The following DPPA2 variants were observed in gnomAD, a reference collection of about 807,000 sequenced individuals.
DPPA2 encodes the protein developmental pluripotency-associated protein 2.
Under a neutral mutation model 36.2 loss-of-function variants are expected in DPPA2, and 26 were observed. The observed-to-expected ratio is 0.72, with a 90% confidence interval of 0.53 to 1.00. The LOEUF (loss-of-function observed/expected upper bound fraction) is 1.00. Among genes scored for constraint, DPPA2 ranks in the 50% least tolerant of loss-of-function variants. The probability of loss-of-function intolerance (pLI) is 0.00; values close to 1 mark genes in which losing one functional copy is unlikely to be tolerated. For missense variants in DPPA2, 361 were observed against 365.1 expected, an observed-to-expected ratio of 0.99 and a Z score of 0.09; for synonymous variants, 113 against 123.2, an observed-to-expected ratio of 0.92 and a Z score of 0.55.
chr3:109,294,418 G>A (rs1308491449), intron 8 of DPPA2, among the ~76,000 whole-genome samples: 2 of 152,142 alleles, frequency 1.3e-5, no homozygotes, highest in African/African-American at 4.8e-5. Flanking sequence ...AAATTTTTCT[G>A]TTCTATTCTC....
intron 6 of DPPA2, 46 bp downstream of exon 6, chr3:109,307,986 A>T (rs554343078): frequency 1.9e-6 from 3 of 1,583,286 alleles, no homozygotes; most frequent in South Asian, 2.3e-5. Flanking sequence ...AATAAAAGTT[A>T]ACCTTGTCCT....
chr3:109,302,349 C>G (rs940788323), intron 7 of DPPA2, among the ~76,000 whole-genome samples: 1 of 152,186 alleles, frequency 6.6e-6, no homozygotes, highest in Non-Finnish European at 1.5e-5. Context: ...ATCTTACATT[C>G]GTCTCATTCC....
In DPPA2 at chr3:109,312,723, T is replaced by C. The variant is rs761946418; in HGVS notation, c.34-31A>G. ...AAGAGAAGTCAGTCACTGATTTTCA[T>C]TTGATGCGGTACAACTAAACTGCTT... is the stretch of plus-strand genomic sequence containing the variant. On this transcript the variant is annotated intron_variant, in intron 2 of 8. Transcript: ENST00000478945. The C allele has an allele frequency of 3.7e-6, 6 of 1,610,924 alleles. No individual in the cohort carries two copies. The East Asian group carries it at 1.1e-4, about 30-fold the overall frequency.
intron 7 of DPPA2, among the ~76,000 whole-genome samples, chr3:109,302,727 C>T (rs1197965570): frequency 7.1e-6 from 1 of 140,468 alleles, no homozygotes; most frequent in Non-Finnish European, 1.5e-5. Context: ...GCTGGGATTA[C>T]AGGTGTGAGC....
Position 109,293,821 on chromosome 3 carries a change from G to A in DPPA2, c.*206C>T, listed in dbSNP as rs1707304623. 1 of 152,132 alleles carries A rather than the reference G, an allele frequency of 6.6e-6. No homozygotes were observed. The highest frequency in any genetic ancestry group is 1.5e-5 in the Non-Finnish European group (1 of 68,022). 9.4% of individuals were successfully genotyped at this position (152,132 alleles called of 1,614,324 possible). On this transcript the variant is annotated 3_prime_UTR_variant, in exon 9 of 9. Transcript: ENST00000478945. ...CAATTGCAGTGACTTTATTTTAATG[G>A]GTTTTCAGACATACAGAAAGGGATT...
chr3:109,308,422 G>T (rs1180551216), intron 5 of DPPA2, 129 bp from the exon 6 acceptor site: 2 of 1,269,864 alleles, frequency 1.6e-6, no homozygotes, highest in Non-Finnish European at 2.1e-6. Flanking sequence ...GAGTGCAATG[G>T]CACGATCTCG....
intron 2 of DPPA2, among the ~76,000 whole-genome samples, chr3:109,313,366 T>A (rs1707740829): frequency 6.6e-6 from 1 of 152,184 alleles, no homozygotes; most frequent in African/African-American, 2.4e-5. Flanking sequence ...GGAGAGTGTA[T>A]CTGTTTTACT....
At chr3:109,314,859 T>A (rs1022168847) in intron 1 of DPPA2, among the ~76,000 whole-genome samples, 2 of 151,530 alleles carry the variant, frequency 1.3e-5, no homozygotes, top group Admixed American at 6.6e-5. Flanking sequence ...AGTCCAGGAG[T>A]TCGAGATCAG....
At chr3:109,308,890 G>T in intron 5 of DPPA2, 136 bp downstream of exon 5, 1 of 1,099,032 alleles carries the variant, frequency 9.1e-7, no homozygotes, top group Non-Finnish European at 1.3e-6. Flanking sequence ...AAAATTATTT[G>T]TTCCGAAATA....
Position 109,312,552 on chromosome 3 carries a change from G to T in DPPA2, c.174C>A (p.Tyr58Ter). 1 of 1,612,962 alleles carries T rather than the reference G, an allele frequency of 6.2e-7. No individual in the cohort carries two copies. The highest frequency in any genetic ancestry group is 1.1e-5 in the South Asian group (1 of 90,972). ...CAATCCCTGTCCTCATACCTGGATTGTATTTCTTAGGCTTCTCCAGTTTGA... is the reference window on the plus strand; with the variant it reads ...CAATCCCTGTCCTCATACCTGGATTTTATTTCTTAGGCTTCTCCAGTTTGA... ...SDVKLEKPKK[Y>*]NPGHLLQTNE... The change falls in exon 3 of 9, where the codon TAC becomes TAA. Residue 58 changes from tyrosine to a stop codon, truncating the protein, a stop_gained. Transcript: ENST00000478945. LOFTEE classifies it high-confidence loss of function.
At chr3:109,295,791 G>A (rs1707342948) in intron 8 of DPPA2, among the ~76,000 whole-genome samples, 1 of 151,974 alleles carries the variant, frequency 6.6e-6, no homozygotes, top group Non-Finnish European at 1.5e-5. Context: ...AATATGCTAA[G>A]GGCTCTAACA....
intron 8 of DPPA2, among the ~76,000 whole-genome samples, chr3:109,297,356 T>A (rs1707373700): frequency 6.6e-6 from 1 of 152,040 alleles, no homozygotes; most frequent in South Asian, 2.1e-4. Flanking sequence ...AGACCCCATC[T>A]CTACTGAAAA....
At chr3:109,305,249 A>G (rs998662409) in intron 6 of DPPA2, among the ~76,000 whole-genome samples, 6 of 152,194 alleles carry the variant, frequency 3.9e-5, no homozygotes, top group Admixed American at 3.9e-4. Flanking sequence ...TAGGTGATTT[A>G]TGTGTATTAA....
rs1312621049 is a variant in DPPA2 at position 109,307,996 on chromosome 3, T to C, written c.658+36A>G. ...GGACTAATAAAAGTTAACCTTGTCC[T>C]CTGGAGTGGGACTCACACTTTAAGG... On this transcript the variant is annotated intron_variant, in intron 6 of 8. Coordinates refer to ENST00000478945, the MANE Select transcript of DPPA2 (RefSeq NM_138815.4). 1.9e-6 allele frequency: 3 copies of C among 1,601,250 alleles called. No homozygotes were observed. The Admixed American group carries it at 5.1e-5, about 27-fold the overall frequency.
intron 5 of DPPA2, 98 bp downstream of exon 5, chr3:109,308,928 G>T: frequency 7.0e-7 from 1 of 1,427,470 alleles, no homozygotes; most frequent in Non-Finnish European, 9.8e-7. Context: ...AAGAAACCCT[G>T]CCTTAGAGGT....
intron 6 of DPPA2, among the ~76,000 whole-genome samples, chr3:109,306,659 G>A (rs1449649519): frequency 1.3e-5 from 2 of 151,842 alleles, no homozygotes; most frequent in Non-Finnish European, 2.9e-5. Flanking sequence ...GTGGAGTTAA[G>A]TTATCCTCAA....
In DPPA2 at chr3:109,312,658, C is replaced by A; in HGVS notation, c.68G>T (p.Ser23Ile). ...FLEGEVDDEE[S>I]VILTLVPVKD... ...AACTGGCACCAGTGTCAAAATCACA[C>A]TTTCCTCATCATCTACTTCCCCCTC... is the stretch of plus-strand genomic sequence containing the variant. Residue 23 changes from serine (S) to isoleucine (I), a missense_variant, in exon 3 of 9, where the codon AGT becomes ATT. By Grantham distance (142) the Ser-to-Ile change is moderately radical. Transcript: ENST00000478945. 2.5e-6 allele frequency: 4 copies of A among 1,613,876 alleles called. No individual in the cohort carries two copies. The highest frequency in any genetic ancestry group is 3.4e-6 in the Non-Finnish European group (4 of 1,179,822).
In DPPA2 at chr3:109,309,194, T is replaced by G; in HGVS notation, c.318A>C (p.Gln106His). ...CCTTGCCATTAGTACTCAAACCGAG[T>G]TGTTGACACCAGTCCCGCAAAGTGT... The part of the protein sequence containing the change: ...CRDTLRDWCQ[Q>H]LGLSTNGKKI... The change falls in exon 4 of 9, where the codon CAA becomes CAC. Residue 106 changes from glutamine to histidine, a missense_variant. Gln to His is a conservative substitution (Grantham distance 24). Coordinates refer to ENST00000478945, the MANE Select transcript of DPPA2 (RefSeq NM_138815.4). The G allele has an allele frequency of 6.2e-7, 1 of 1,614,068 alleles. No individual in the cohort carries two copies. The highest frequency in any genetic ancestry group is 8.5e-7 in the Non-Finnish European group (1 of 1,180,024).
chr3:109,305,253 G>T (rs1707535982), intron 6 of DPPA2, among the ~76,000 whole-genome samples: 1 of 152,072 alleles, frequency 6.6e-6, no homozygotes, highest in African/African-American at 2.4e-5. Flanking sequence ...TGATTTATGT[G>T]TATTAATACA....
Sources: gnomAD v4.1 joint callset for allele counts (sites outside exome capture counted in the v4.1 genomes callset) on GRCh38, gnomAD v4.1.1 for gene constraint, MANE v1.5 for transcripts, NCBI Gene and HGNC (gene_info 2026-07-23, HGNC 2026-07-21) for gene names.